Variants in PPP3CA observed in about 807,000 individuals in gnomAD.
PPP3CA encodes CAM-PRP catalytic subunit.
A neutral mutation model predicts 66.5 loss-of-function variants in PPP3CA; 14 were observed. That is an observed-to-expected ratio of 0.21 (90% CI 0.14 to 0.33). The LOEUF is 0.33. Among genes scored for constraint, PPP3CA ranks in the 10% least tolerant of loss-of-function variants. The pLI is 1.00. For missense variants in PPP3CA, 317 were observed against 639.5 expected (o/e 0.50, Z 5.44); for synonymous variants, 232 against 226.2 (o/e 1.03, Z -0.23).
chr4:101,139,676 C>G (rs180769775), intron 2 of PPP3CA, among the ~76,000 whole-genome samples: 2 of 126,644 alleles, frequency 1.6e-5, no homozygotes, highest in Non-Finnish European at 3.3e-5. Context: ...CCCAAAGTGA[C>G]TTTTGAGGGT....
rs1264150381 is a variant in PPP3CA, at chr4:101,346,847, C to T, written c.-51G>A. ...CGCTGCTCGTCCGTCCGACTGCACA[C>T]CCCGACCGGACCGGCGGGCCAGACA... On this transcript the variant is annotated 5_prime_UTR_variant, in exon 1 of 14. The change creates a new upstream start codon in the 5' untranslated region. Transcript: ENST00000394854. 6.3e-7 allele frequency: 1 copy of T among 1,586,392 alleles called. No homozygotes were observed. Among genetic ancestry groups the T allele is most frequent in the Non-Finnish European group, 8.6e-7 (1 of 1,167,326 alleles).
At chr4:101,158,967 A>T (rs1723413985) in intron 2 of PPP3CA, among the ~76,000 whole-genome samples, 1 of 152,222 alleles carries the variant, frequency 6.6e-6, no homozygotes, top group Non-Finnish European at 1.5e-5. Context: ...AGGCTCAAAA[A>T]TTATTAAGAA....
At chr4:101,156,054 G>C (rs755112215) in intron 2 of PPP3CA, among the ~76,000 whole-genome samples, 1 of 152,128 alleles carries the variant, frequency 6.6e-6, no homozygotes, top group Non-Finnish European at 1.5e-5. Context: ...AGTCAGAGTG[G>C]GGTTTCACAC....
intron 1 of PPP3CA, among the ~76,000 whole-genome samples, chr4:101,276,657 C>A (rs2110272555): frequency 6.6e-6 from 1 of 152,210 alleles, no homozygotes; most frequent in Middle Eastern, 3.4e-3. Flanking sequence ...TATCAGACAT[C>A]CACTATGTAC....
chr4:101,139,696 G>GTGTTT (rs1553927959), intron 2 of PPP3CA, among the ~76,000 whole-genome samples: 13 of 98,400 alleles, frequency 1.3e-4, no homozygotes, highest in African/African-American at 5.2e-4. Flanking sequence ...TTTTTTTTGT[G>GTGTTT]TTTTTTTTTT....
intron 1 of PPP3CA, among the ~76,000 whole-genome samples, chr4:101,312,279 C>A (rs1224187147): frequency 6.6e-6 from 1 of 151,912 alleles, no homozygotes; most frequent in African/African-American, 2.4e-5. Context: ...TACAGATGTT[C>A]CTCTACTTAC....
At chr4:101,260,232 C>A (rs1021562645) in intron 1 of PPP3CA, among the ~76,000 whole-genome samples, 5 of 152,098 alleles carry the variant, frequency 3.3e-5, no homozygotes, top group African/African-American at 1.2e-4. Context: ...TTAAATCTTA[C>A]CTTAGATTTT....
At chr4:101,278,733 A>G (rs1203335651) in intron 1 of PPP3CA, among the ~76,000 whole-genome samples, 1 of 152,188 alleles carries the variant, frequency 6.6e-6, no homozygotes, top group African/African-American at 2.4e-5. Flanking sequence ...CCTGATTTAC[A>G]CAATAAATTA....
At chr4:101,102,892 C>A (rs927752249) in intron 3 of PPP3CA, among the ~76,000 whole-genome samples, 1 of 152,054 alleles carries the variant, frequency 6.6e-6, no homozygotes, top group Non-Finnish European at 1.5e-5. Context: ...AAATGAGGTG[C>A]GCTAATCACT....
At chr4:101,165,288 T>C (rs1723656509) in intron 2 of PPP3CA, among the ~76,000 whole-genome samples, 1 of 152,196 alleles carries the variant, frequency 6.6e-6, no homozygotes, top group Non-Finnish European at 1.5e-5. Context: ...CATTCCACAT[T>C]TCTCCTTCCA....
chr4:101,261,976 A>T (rs1727022947), intron 1 of PPP3CA, among the ~76,000 whole-genome samples: 1 of 152,130 alleles, frequency 6.6e-6, no homozygotes, highest in Admixed American at 6.6e-5. Flanking sequence ...AAAGTATGAA[A>T]TATTCAGAGA....
At chr4:101,331,654 T>C (rs527703167) in intron 1 of PPP3CA, among the ~76,000 whole-genome samples, 4 of 152,314 alleles carry the variant, frequency 2.6e-5, no homozygotes, top group African/African-American at 9.6e-5. Flanking sequence ...ATGAAAAGCA[T>C]GGAAGGTGTG....
intron 1 of PPP3CA, among the ~76,000 whole-genome samples, chr4:101,290,679 T>C (rs896774600): frequency 6.6e-6 from 1 of 152,098 alleles, no homozygotes; most frequent in African/African-American, 2.4e-5. Context: ...TCAAATAGTA[T>C]GTTAGAAGGC....
At chr4:101,309,379 T>A (rs934786862) in intron 1 of PPP3CA, among the ~76,000 whole-genome samples, 3 of 152,032 alleles carry the variant, frequency 2.0e-5, no homozygotes, top group African/African-American at 7.2e-5. Flanking sequence ...TAAGAGACTA[T>A]AAGAAACATA....
chr4:101,230,180 C>T (rs577500313), intron 1 of PPP3CA, among the ~76,000 whole-genome samples: 1 of 151,692 alleles, frequency 6.6e-6, no homozygotes, highest in African/African-American at 2.4e-5. Flanking sequence ...TATTTAGAAG[C>T]ATTTAGTCAT....
At position 101,135,736 on chromosome 4, in the gene PPP3CA, T is replaced by TA. The variant is rs1396197495; in HGVS notation, c.260-26659dup. Among the ~76,000 whole-genome samples, 3 of 152,374 alleles carry TA rather than the reference T, an allele frequency of 2.0e-5. No homozygotes were observed. The East Asian group carries it at 5.8e-4, about 29-fold the overall frequency. On this transcript the variant is annotated intron_variant, in intron 2 of 13. Coordinates refer to ENST00000394854, the MANE Select transcript of PPP3CA (RefSeq NM_000944.5). ...GAATGGAATAGCTGGCACTGTGATGTAATGAGCTCACCCACACTAGAAACA... is the reference window on the plus strand; with the variant it reads ...GAATGGAATAGCTGGCACTGTGATGTAAATGAGCTCACCCACACTAGAAACA...
chr4:101,267,903 A>AC (rs1727218795), intron 1 of PPP3CA, among the ~76,000 whole-genome samples: 1 of 149,796 alleles, frequency 6.7e-6, no homozygotes, highest in East Asian at 1.9e-4. Context: ...AACTTTTAAA[A>AC]CCTTTTTAGT....
chr4:101,320,660 C>T (rs975078028), intron 1 of PPP3CA, among the ~76,000 whole-genome samples: 3 of 152,100 alleles, frequency 2.0e-5, no homozygotes, highest in Admixed American at 2.0e-4. Flanking sequence ...ACATGACATA[C>T]AGCTATTCCT....
chr4:101,191,875 A>G (rs1724614606), intron 2 of PPP3CA, among the ~76,000 whole-genome samples: 1 of 152,154 alleles, frequency 6.6e-6, no homozygotes. Context: ...CCCGGCACTG[A>G]GGGAATCCTC....
Sources: gnomAD v4.1 joint callset for allele counts (sites outside exome capture counted in the v4.1 genomes callset) on GRCh38, gnomAD v4.1.1 for gene constraint, MANE v1.5 for transcripts, NCBI Gene and HGNC (gene_info 2026-07-23, HGNC 2026-07-21) for gene names.